The following MSI2 variants were observed in gnomAD, a reference collection of about 807,000 sequenced individuals.
MSI2 encodes the protein musashi RNA binding protein 2, also known as RNA-binding protein Musashi homolog 2.
MSI2 carries 17 observed loss-of-function variants against 45.6 expected under a neutral mutation model. That is an observed-to-expected ratio of 0.37 (90% CI 0.26 to 0.56). The LOEUF (loss-of-function observed/expected upper bound fraction) is 0.56, where lower values mean the gene tolerates loss of function less well. MSI2 is among the 20% of genes least tolerant of loss of function. The pLI is 0.77. For synonymous variants in MSI2, 156 were observed against 158.2 expected (o/e 0.99, Z 0.11); for missense variants, 293 against 444.2 (o/e 0.66, Z 3.06).
intron 8 of MSI2, among the ~76,000 whole-genome samples, chr17:57,606,563 G>A (rs1430759352): frequency 1.3e-5 from 2 of 152,032 alleles, no homozygotes; most frequent in Non-Finnish European, 1.5e-5. Flanking sequence ...TGATATTGGG[G>A]ACCAGCTCCT....
intron 6 of MSI2, among the ~76,000 whole-genome samples, chr17:57,482,875 C>A (rs1366850713): frequency 6.6e-6 from 1 of 152,166 alleles, no homozygotes; most frequent in African/African-American, 2.4e-5. Flanking sequence ...TTCATTCTGA[C>A]AGCTTGATAG....
At chr17:57,344,624 G>C (rs1184870908) in intron 5 of MSI2, among the ~76,000 whole-genome samples, 1 of 152,214 alleles carries the variant, frequency 6.6e-6, no homozygotes, top group East Asian at 1.9e-4. Context: ...TTTCAGTGGA[G>C]AGATATAGGA....
intron 6 of MSI2, among the ~76,000 whole-genome samples, chr17:57,510,086 G>C (rs530998849): frequency 1.3e-5 from 2 of 151,958 alleles, no homozygotes; most frequent in South Asian, 4.2e-4. Context: ...TCTTAATTGC[G>C]CTGTTTGTCA....
chr17:57,265,607 G>A (rs944083886), intron 5 of MSI2: 2 of 152,210 alleles, frequency 1.3e-5, no homozygotes, highest in Non-Finnish European at 2.9e-5. Context: ...CCTTTGCGAT[G>A]TAAATGTTCA....
intron 9 of MSI2, among the ~76,000 whole-genome samples, chr17:57,619,909 C>T (rs933567824): frequency 6.6e-6 from 1 of 152,198 alleles, no homozygotes; most frequent in African/African-American, 2.4e-5. Context: ...AGTTCAGAGC[C>T]TATTGTTCTT....
chr17:57,403,063 T>C (rs766331519), intron 6 of MSI2, among the ~76,000 whole-genome samples: 5 of 152,208 alleles, frequency 3.3e-5, no homozygotes, highest in Non-Finnish European at 5.9e-5. Flanking sequence ...TTTGCTATCT[T>C]TCTGCTTTTA....
At chr17:57,290,943 C>T (rs1463161792) in intron 5 of MSI2, among the ~76,000 whole-genome samples, 2 of 152,196 alleles carry the variant, frequency 1.3e-5, no homozygotes, top group African/African-American at 4.8e-5. Context: ...TGATTTGGGC[C>T]CTGCGTCAGT....
chr17:57,537,799 G>A (rs1056372870), intron 7 of MSI2, among the ~76,000 whole-genome samples: 3 of 152,218 alleles, frequency 2.0e-5, no homozygotes, highest in African/African-American at 7.2e-5. Context: ...CAACAGGGCT[G>A]GGGGACAGGG....
At chr17:57,649,406 CAT>C (rs1910954361) in intron 10 of MSI2, among the ~76,000 whole-genome samples, 2 of 151,330 alleles carry the variant, frequency 1.3e-5, no homozygotes, top group Non-Finnish European at 2.9e-5. Context: ...ACACCCAACA[CAT>C]GTACACAACA....
At chr17:57,362,383 C>G (rs1333860278) in intron 5 of MSI2, among the ~76,000 whole-genome samples, 1 of 152,190 alleles carries the variant, frequency 6.6e-6, no homozygotes, top group Non-Finnish European at 1.5e-5. Context: ...CTGTGGCATT[C>G]CTGCAATGGA....
intron 6 of MSI2, among the ~76,000 whole-genome samples, chr17:57,510,725 G>A (rs1441652549): frequency 2.0e-5 from 3 of 152,168 alleles, no homozygotes; most frequent in Non-Finnish European, 4.4e-5. Flanking sequence ...ACCACACCCG[G>A]CCTCCTCTTG....
At chr17:57,385,411 C>T (rs1780923304) in intron 5 of MSI2, among the ~76,000 whole-genome samples, 1 of 152,180 alleles carries the variant, frequency 6.6e-6, no homozygotes, top group Non-Finnish European at 1.5e-5. Flanking sequence ...ACTCTGTCTG[C>T]CCTTCTCTCT....
At chr17:57,355,732 G>C (rs762628443) in intron 5 of MSI2, among the ~76,000 whole-genome samples, 2 of 152,224 alleles carry the variant, frequency 1.3e-5, no homozygotes, top group Non-Finnish European at 2.9e-5. Context: ...GCGGGTTCCA[G>C]ACTCTGGCTC....
chr17:57,551,808 C>T (rs1397262077), intron 7 of MSI2, among the ~76,000 whole-genome samples: 5 of 152,202 alleles, frequency 3.3e-5, no homozygotes, highest in African/African-American at 1.2e-4. Flanking sequence ...AAGCTGGAAA[C>T]AGTGGCGTCC....
At chr17:57,694,669 A>T in the MSI2 span, among the ~76,000 whole-genome samples, 1 of 152,316 alleles carries the variant, frequency 6.6e-6, no homozygotes, top group East Asian at 1.9e-4. Context: ...TGCTAAACCT[A>T]TCACAGATCT....
chr17:57,362,698 C>A (rs545429196), intron 5 of MSI2, among the ~76,000 whole-genome samples: 1 of 151,884 alleles, frequency 6.6e-6, no homozygotes, highest in Non-Finnish European at 1.5e-5. Flanking sequence ...TGCCTTCCCC[C>A]CATTCTTTTC....
chr17:57,402,509 C>T (rs572673945), intron 6 of MSI2, among the ~76,000 whole-genome samples: 28 of 152,304 alleles, frequency 1.8e-4, no homozygotes, highest in African/African-American at 4.6e-4. Context: ...CGATGGGTGT[C>T]GTGCTTGCCA....
intron 5 of MSI2, among the ~76,000 whole-genome samples, chr17:57,385,130 A>G (rs1268810502): frequency 2.0e-5 from 3 of 152,174 alleles, no homozygotes; most frequent in Non-Finnish European, 4.4e-5. Context: ...CCGTTCTTAC[A>G]GGCTCTATTT....
chr17:57,531,132 T>C (rs1304844196), intron 7 of MSI2, among the ~76,000 whole-genome samples: 3 of 152,178 alleles, frequency 2.0e-5, no homozygotes, highest in Non-Finnish European at 4.4e-5. Context: ...TCCTCCATCA[T>C]CATCCACATT....
Sources: allele counts gnomAD v4.1 joint callset (sites outside exome capture counted in the v4.1 genomes callset), GRCh38; gene constraint gnomAD v4.1.1; transcripts MANE v1.5; gene names NCBI Gene and HGNC (gene_info 2026-07-23, HGNC 2026-07-21).